The following TTPA variants were observed in gnomAD, a reference collection of about 807,000 sequenced individuals.
The protein encoded by TTPA is alpha tocopherol transfer protein.
Under a neutral mutation model 25.9 loss-of-function variants are expected in TTPA, and 23 were observed. The ratio of observed to expected loss-of-function variants is 0.89; its 90% confidence interval spans 0.64 to 1.26. The LOEUF (loss-of-function observed/expected upper bound fraction) is 1.26. Among genes scored for constraint, TTPA ranks in the 50% most tolerant of loss-of-function variants. The pLI is 0.00. For synonymous variants in TTPA, 148 were observed against 137.3 expected (o/e 1.08, Z -0.54); for missense variants, 337 against 353.1 (o/e 0.95, Z 0.37).
At chr8:63,067,185 GT>G (rs987018458) in intron 2 of TTPA, among the ~76,000 whole-genome samples, 1 of 152,046 alleles carries the variant, frequency 6.6e-6, no homozygotes, top group East Asian at 1.9e-4. Flanking sequence ...AAAAAGATAA[GT>G]TTTTTAAAAA....
At chr8:63,082,594 T>C (rs1213135843) in intron 1 of TTPA, among the ~76,000 whole-genome samples, 4 of 152,282 alleles carry the variant, frequency 2.6e-5, no homozygotes, top group African/African-American at 9.6e-5. Flanking sequence ...AAGGACTTCA[T>C]GACTAAAACA....
At chr8:63,079,916 G>A (rs1231978126) in intron 1 of TTPA, among the ~76,000 whole-genome samples, 1 of 152,080 alleles carries the variant, frequency 6.6e-6, no homozygotes, top group Non-Finnish European at 1.5e-5. Flanking sequence ...CCACATAATT[G>A]GAAGTAAAGC....
chr8:63,065,271 T>C (rs1361109085), intron 3 of TTPA, among the ~76,000 whole-genome samples: 1 of 152,184 alleles, frequency 6.6e-6, no homozygotes, highest in African/African-American at 2.4e-5. Context: ...GCAAACTGTG[T>C]GTGCCTGGGC....
chr8:63,080,441 G>C (rs545661290), intron 1 of TTPA, among the ~76,000 whole-genome samples: 22 of 152,100 alleles, frequency 1.4e-4, no homozygotes, highest in African/African-American at 4.6e-4. Flanking sequence ...AATAAAGAAG[G>C]CCGGGCATGG....
chr8:63,070,254 A>T (rs1233776468), intron 2 of TTPA, among the ~76,000 whole-genome samples: 1 of 152,194 alleles, frequency 6.6e-6, no homozygotes, highest in African/African-American at 2.4e-5. Flanking sequence ...AAAACATAAA[A>T]TTATATCCTA....
At chr8:63,085,737 G>T in intron 1 of TTPA, 81 bp downstream of exon 1, 1 of 1,489,732 alleles carries the variant, frequency 6.7e-7, no homozygotes, top group Non-Finnish European at 9.0e-7. Context: ...CTTCGGCAGG[G>T]GTCAGATATC....
Position 63,080,733 on chromosome 8 carries a change from A to AT in TTPA, c.204+5084_204+5085insA, listed in dbSNP as rs1391495140. ...AGACTCCGTATCAAAAAAAAAAAAA[A>AT]AATAAATAATAATAATAATAAAGAA... On this transcript the variant is annotated intron_variant, in intron 1 of 4. Transcript: ENST00000260116. 6.4e-3 allele frequency among the ~76,000 whole-genome samples: 941 copies of AT among 146,780 alleles called. 8 individuals carry two copies. Among genetic ancestry groups the AT allele is most frequent in the African/African-American group, 0.021 (823 of 38,628 alleles).
chr8:63,061,628 T>G (rs970692144), intron 4 of TTPA, among the ~76,000 whole-genome samples: 7 of 152,256 alleles, frequency 4.6e-5, no homozygotes, highest in Non-Finnish European at 1.0e-4. Context: ...CCTTACTGTT[T>G]CTTGGATTTG....
At position 63,061,146 on chromosome 8, in the gene TTPA, G is replaced by T; in HGVS notation, c.*106C>A. ...AGATTTCTACATTTTTAAAGTTCAG[G>T]CAAGCATTAGTTTAAAAGATTTGCT... On this transcript the variant is annotated 3_prime_UTR_variant, in exon 5 of 5. Coordinates refer to ENST00000260116, the MANE Select transcript of TTPA (RefSeq NM_000370.3). The T allele has an allele frequency of 8.5e-7, 1 of 1,178,540 alleles. No homozygotes were observed. The highest frequency in any genetic ancestry group is 1.2e-6 in the Non-Finnish European group (1 of 813,284). 73.0% of individuals were successfully genotyped at this position (1,178,540 alleles called of 1,614,324 possible).
intron 2 of TTPA, among the ~76,000 whole-genome samples, chr8:63,066,790 G>T (rs1805397508): frequency 1.3e-5 from 2 of 152,074 alleles, no homozygotes; most frequent in Admixed American, 1.3e-4. Flanking sequence ...TTTTTTAAAA[G>T]ACATCTATTC....
At chr8:63,083,663 C>T (rs955926582) in intron 1 of TTPA, among the ~76,000 whole-genome samples, 1 of 149,910 alleles carries the variant, frequency 6.7e-6, no homozygotes, top group South Asian at 2.1e-4. Flanking sequence ...AAAGCAAAAA[C>T]AGGCCATTTT....
In TTPA at chr8:63,061,065, A is replaced by G; in HGVS notation, c.*187T>C. 3 of 608,458 alleles carry G rather than the reference A, an allele frequency of 4.9e-6. 1 individual carries two copies. The East Asian group carries it at 9.1e-5, about 18-fold the overall frequency. 37.7% of individuals were successfully genotyped at this position (608,458 alleles called of 1,614,324 possible). ...CATTTAATTACTTCAAAAGTAGAGA[A>G]AAAAGCATTTAAAAAGTAAAAAATC... is the stretch of plus-strand genomic sequence containing the variant. On this transcript the variant is annotated 3_prime_UTR_variant, in exon 5 of 5. Coordinates refer to ENST00000260116, the MANE Select transcript of TTPA (RefSeq NM_000370.3).
intron 2 of TTPA, among the ~76,000 whole-genome samples, chr8:63,070,023 G>A (rs1190586698): frequency 6.6e-6 from 1 of 152,130 alleles, no homozygotes; most frequent in Non-Finnish European, 1.5e-5. Flanking sequence ...AATGCTTACA[G>A]CAACCCTATG....
At position 63,068,039 on chromosome 8, in the gene TTPA, A is replaced by G. The variant is rs1364181645; in HGVS notation, c.359-1942T>C. Reference sequence around the variant, plus strand: ...TGTTTGGGTGGAAAAGATTATAAGTATGGACATGTTAAAATGGTGACCATG... The same window carrying G: ...TGTTTGGGTGGAAAAGATTATAAGTGTGGACATGTTAAAATGGTGACCATG... On this transcript the variant is annotated intron_variant, in intron 2 of 4. Coordinates refer to ENST00000260116, the MANE Select transcript of TTPA (RefSeq NM_000370.3). Among the ~76,000 whole-genome samples, 7 of 152,196 alleles carry G rather than the reference A, an allele frequency of 4.6e-5. No individual in the cohort carries two copies. In the East Asian group the frequency reaches 1.4e-3, roughly 29 times the overall value.
At chr8:63,062,100 C>A (rs975396932) in intron 4 of TTPA, among the ~76,000 whole-genome samples, 1 of 151,240 alleles carries the variant, frequency 6.6e-6, no homozygotes, top group South Asian at 2.1e-4. Context: ...TGGGCTGAGG[C>A]AGGAGGATTG....
chr8:63,065,800 A>T, intron 3 of TTPA, 104 bp downstream of exon 3: 1 of 1,265,508 alleles, frequency 7.9e-7, no homozygotes, highest in Middle Eastern at 2.1e-4. Context: ...AATTGTATTT[A>T]AATTTCTAAC....
intron 3 of TTPA, among the ~76,000 whole-genome samples, chr8:63,065,059 A>G: frequency 6.6e-6 from 1 of 152,162 alleles, no homozygotes; most frequent in East Asian, 1.9e-4. Context: ...ATCATGTTTT[A>G]TTATTGTTGC....
chr8:63,070,928 AT>A (rs1805472836), intron 2 of TTPA, among the ~76,000 whole-genome samples: 2 of 152,378 alleles, frequency 1.3e-5, no homozygotes, highest in Admixed American at 1.3e-4. Context: ...GATAACCAGT[AT>A]ATAATTTTTA....
rs1239341680 is a variant in TTPA, at chr8:63,060,833, A to G, written c.*419T>C. ...TGACATCCACTTAAAACAAGTGTTA[A>G]TTTTTTTATCATTAGCTGACTTGTG... On this transcript the variant is annotated 3_prime_UTR_variant, in exon 5 of 5. Coordinates refer to ENST00000260116, the MANE Select transcript of TTPA (RefSeq NM_000370.3). 1.8e-5 allele frequency: 3 copies of G among 167,186 alleles called. No homozygotes were observed. The South Asian group carries it at 4.4e-4, about 24-fold the overall frequency. The allele number at this position is 167,186 out of a possible 1,614,324, so 10.4% of individuals were successfully genotyped here. A position where few individuals can be genotyped will look rare whatever the true frequency, so the allele number is the denominator to read the frequency against.
Sources: gnomAD v4.1 joint callset for allele counts (sites outside exome capture counted in the v4.1 genomes callset) on GRCh38, gnomAD v4.1.1 for gene constraint, MANE v1.5 for transcripts, NCBI Gene and HGNC (gene_info 2026-07-23, HGNC 2026-07-21) for gene names.